The following FER1L6 variants were observed in gnomAD, a reference collection of about 807,000 sequenced individuals.
FER1L6 encodes fer-1 like family member 6.
Under a neutral mutation model 219.2 loss-of-function variants are expected in FER1L6, and 177 were observed. The ratio of observed to expected loss-of-function variants is 0.81; its 90% CI spans 0.71 to 0.91. The LOEUF (loss-of-function observed/expected upper bound fraction) is 0.91. FER1L6 is among the 40% of genes least tolerant of loss of function. The pLI, the probability that FER1L6 is intolerant of heterozygous loss-of-function variation, is 0.00. For missense variants in FER1L6, 2,153 were observed against 2,259.9 expected, an observed-to-expected ratio of 0.95 and a Z score of 0.96; for synonymous variants, 768 against 824.3, an observed-to-expected ratio of 0.93 and a Z score of 1.17.
intron 37 of FER1L6, among the ~76,000 whole-genome samples, chr8:124,098,675 T>C (rs563727698): frequency 6.6e-6 from 1 of 152,194 alleles, no homozygotes; most frequent in Non-Finnish European, 1.5e-5. Context: ...GAAATTGCTA[T>C]CTCATCACCA....
intron 1 of FER1L6, among the ~76,000 whole-genome samples, chr8:123,894,828 G>A (rs945345739): frequency 4.6e-5 from 7 of 152,092 alleles, no homozygotes; most frequent in Non-Finnish European, 8.8e-5. Context: ...GACTAAGGTG[G>A]GCACAATTTG....
chr8:124,026,797 G>T (rs1818726930), intron 18 of FER1L6, among the ~76,000 whole-genome samples: 2 of 151,260 alleles, frequency 1.3e-5, no homozygotes, highest in African/African-American at 2.5e-5. Context: ...CATGGACTTT[G>T]AAATAAGGTG....
chr8:123,913,990 A>G lies in FER1L6; in HGVS notation c.-7-42002A>G, dbSNP rs184406515. ...TGGGTCTTGCAATTGCAAAGGTCTGAATGATTTATTGGGTCCTTTTTAGGG... is the reference window on the plus strand; with the variant it reads ...TGGGTCTTGCAATTGCAAAGGTCTGGATGATTTATTGGGTCCTTTTTAGGG... On this transcript the variant is annotated intron_variant, in intron 1 of 40. Coordinates refer to ENST00000522917, the MANE Select transcript of FER1L6 (RefSeq NM_001039112.2). 3.0e-4 allele frequency among the ~76,000 whole-genome samples: 45 copies of G among 152,298 alleles called. No individual in the cohort carries two copies. In the East Asian group the frequency reaches 7.7e-3, roughly 26 times the overall value.
chr8:124,117,824 C>T (rs866154572), intron 39 of FER1L6, among the ~76,000 whole-genome samples: 3 of 152,122 alleles, frequency 2.0e-5, no homozygotes, highest in South Asian at 2.1e-4. Flanking sequence ...TAACACAAGA[C>T]CACTGCCTCA....
At chr8:124,068,102 T>C (rs1424642763) in intron 28 of FER1L6, among the ~76,000 whole-genome samples, 2 of 152,178 alleles carry the variant, frequency 1.3e-5, no homozygotes, top group Non-Finnish European at 2.9e-5. Context: ...AGAAGCAATC[T>C]GGATGACTGG....
chr8:123,963,161 T>C (rs1169902122), intron 2 of FER1L6, 117 bp from the exon 3 acceptor site: 2 of 1,318,680 alleles, frequency 1.5e-6, no homozygotes, highest in Non-Finnish European at 1.0e-6. Context: ...GCAGAGTCTG[T>C]CTTCTAGTCT....
chr8:124,033,610 G>A (rs1819067699), intron 18 of FER1L6, among the ~76,000 whole-genome samples: 1 of 152,052 alleles, frequency 6.6e-6, no homozygotes, highest in Admixed American at 6.6e-5. Context: ...TCTCTGTCTA[G>A]CTCTTATGCT....
chr8:124,017,046 ATTAATT>A, intron 15 of FER1L6, among the ~76,000 whole-genome samples: 1 of 152,282 alleles, frequency 6.6e-6, no homozygotes, highest in Non-Finnish European at 1.5e-5. Context: ...GTAAAATGTT[ATTAATT>A]TTAATTTGCA....
rs543753675 is a variant in FER1L6 at position 123,956,092 on chromosome 8, G to C, written c.76+18G>C. 32 of 1,603,762 alleles carry C rather than the reference G, an allele frequency of 2.0e-5. No individual in the cohort carries two copies. The highest frequency in any genetic ancestry group is 1.5e-5 in the Non-Finnish European group (18 of 1,174,896). ...TGCGAAAGGTGAGGCTGGGGGTGGGGTGCTGACCATTGGGGCCTGAGAGTC... is the reference window on the plus strand; with the variant it reads ...TGCGAAAGGTGAGGCTGGGGGTGGGCTGCTGACCATTGGGGCCTGAGAGTC... On this transcript the variant is annotated intron_variant, in intron 2 of 40. Coordinates refer to ENST00000522917, the MANE Select transcript of FER1L6 (RefSeq NM_001039112.2).
At chr8:124,080,232 C>G (rs535834886) in intron 32 of FER1L6, among the ~76,000 whole-genome samples, 1 of 152,118 alleles carries the variant, frequency 6.6e-6, no homozygotes, top group African/African-American at 2.4e-5. Context: ...ACCCTTGCAT[C>G]TAGGGATAGT....
chr8:123,994,263 G>C (rs1027610150), intron 12 of FER1L6, among the ~76,000 whole-genome samples: 1 of 152,146 alleles, frequency 6.6e-6, no homozygotes, highest in African/African-American at 2.4e-5. Flanking sequence ...ATCAGTGTGG[G>C]TGGAGGCTCA....
At chr8:124,028,416 C>T (rs181216667) in intron 18 of FER1L6, among the ~76,000 whole-genome samples, 505 of 152,138 alleles carry the variant, frequency 3.3e-3, no homozygotes, top group Non-Finnish European at 5.6e-3. Flanking sequence ...CTCTTTATGC[C>T]CCTTTCTCTT....
chr8:123,892,998 A>G (rs994905794), intron 1 of FER1L6, among the ~76,000 whole-genome samples: 1 of 151,646 alleles, frequency 6.6e-6, no homozygotes, highest in Non-Finnish European at 1.5e-5. Context: ...TGAGAGTCCT[A>G]AAATTCTGAT....
intron 3 of FER1L6, 95 bp downstream of exon 3, chr8:123,963,493 G>C: frequency 7.0e-7 from 1 of 1,435,308 alleles, no homozygotes; most frequent in Non-Finnish European, 9.6e-7. Context: ...AGGAGAGTAA[G>C]ACATAGTCAC....
At chr8:123,895,678 A>G (rs1278514465) in intron 1 of FER1L6, among the ~76,000 whole-genome samples, 1 of 152,164 alleles carries the variant, frequency 6.6e-6, no homozygotes, top group Non-Finnish European at 1.5e-5. Context: ...AGAAAACTAA[A>G]GTAGGGAGTC....
rs201214512 is a variant in FER1L6 at position 123,968,980 on chromosome 8, AAC to A, written c.385-1049_385-1048del. The stretch of plus-strand genomic sequence containing the variant: ...CTTCCTGGTCCCCCTCAGTTCCCAA[AAC>A]ACACAAACCAGGACAAAACACCACT... On this transcript the variant is annotated intron_variant, in intron 5 of 40. Coordinates refer to ENST00000522917, the MANE Select transcript of FER1L6 (RefSeq NM_001039112.2). 6.1e-3 allele frequency among the ~76,000 whole-genome samples: 932 copies of A among 152,234 alleles called. 12 individuals carry two copies. The highest frequency in any genetic ancestry group is 0.021 in the African/African-American group (893 of 41,540).
intron 1 of FER1L6, among the ~76,000 whole-genome samples, chr8:123,866,971 T>A (rs542030265): frequency 6.6e-6 from 1 of 152,384 alleles, no homozygotes; most frequent in East Asian, 1.9e-4. Context: ...TTTTGAATAT[T>A]AGCCCCTTAT....
At chr8:123,998,493 G>A (rs1008057709) in intron 12 of FER1L6, among the ~76,000 whole-genome samples, 1 of 150,742 alleles carries the variant, frequency 6.6e-6, no homozygotes, top group African/African-American at 2.4e-5. Flanking sequence ...CACTGGGACT[G>A]GGCTGGGTCA....
intron 1 of FER1L6, among the ~76,000 whole-genome samples, chr8:123,953,450 C>T (rs758737243): frequency 1.2e-4 from 19 of 152,292 alleles, no homozygotes; most frequent in Middle Eastern, 6.8e-3. Flanking sequence ...CTTCCTTAGG[C>T]GACTCCAATG....
Sources: allele counts gnomAD v4.1 joint callset (sites outside exome capture counted in the v4.1 genomes callset), GRCh38; gene constraint gnomAD v4.1.1; transcripts MANE v1.5; gene names NCBI Gene and HGNC (gene_info 2026-07-23, HGNC 2026-07-21).